Variants in DNM3 observed in about 807,000 individuals in gnomAD.
DNM3 encodes the protein dynamin 3.
DNM3 carries 47 observed loss-of-function variants against 101.6 expected under a neutral mutation model. The observed-to-expected ratio is 0.46, with a 90% CI of 0.37 to 0.59. The LOEUF (loss-of-function observed/expected upper bound fraction) is 0.59. Ranked by LOEUF, DNM3 falls within the 20% of genes least tolerant of loss-of-function variation. The pLI, the probability that DNM3 is intolerant of heterozygous loss-of-function variation, is 0.00. For missense variants in DNM3, 849 were observed against 1,085.7 expected, an observed-to-expected ratio of 0.78 and a Z score of 3.06; for synonymous variants, 385 against 387.9, an observed-to-expected ratio of 0.99 and a Z score of 0.09.
intron 2 of DNM3, among the ~76,000 whole-genome samples, chr1:171,963,947 G>C (rs1039605945): frequency 6.6e-6 from 1 of 151,974 alleles, no homozygotes; most frequent in Non-Finnish European, 1.5e-5. Flanking sequence ...GGAATGGGTG[G>C]TCAGAGGTGT....
intron 15 of DNM3, among the ~76,000 whole-genome samples, chr1:172,255,871 A>T (rs2062376172): frequency 6.6e-6 from 1 of 152,160 alleles, no homozygotes; most frequent in African/African-American, 2.4e-5. Flanking sequence ...TAGATGTCTG[A>T]TATCAGGTGA....
chr1:172,109,889 T>C (rs891874901), intron 13 of DNM3, among the ~76,000 whole-genome samples: 3 of 152,206 alleles, frequency 2.0e-5, no homozygotes, highest in African/African-American at 7.2e-5. Context: ...ATATGGGTAA[T>C]TAAAATCCAC....
intron 11 of DNM3, among the ~76,000 whole-genome samples, chr1:172,080,348 T>C (rs1406262682): frequency 6.6e-6 from 1 of 152,166 alleles, no homozygotes; most frequent in African/African-American, 2.4e-5. Context: ...AGGGAGGCAG[T>C]CTGACTACAG....
chr1:171,957,910 A>C (rs556377956), intron 2 of DNM3, among the ~76,000 whole-genome samples: 2 of 152,286 alleles, frequency 1.3e-5, no homozygotes, highest in East Asian at 3.9e-4. Context: ...CCTGTTACCC[A>C]GTTCCAAAGT....
At chr1:172,145,368 C>T (rs888608378) in intron 14 of DNM3, among the ~76,000 whole-genome samples, 15 of 150,650 alleles carry the variant, frequency 1.0e-4, no homozygotes, top group African/African-American at 3.4e-4. Flanking sequence ...CTCTCCCTCC[C>T]TCTCTCTCCC....
chr1:172,171,142 A>G (rs1347991242), intron 14 of DNM3, among the ~76,000 whole-genome samples: 1 of 151,718 alleles, frequency 6.6e-6, no homozygotes, highest in Middle Eastern at 3.2e-3. Context: ...TAATAAGTCC[A>G]AAGGAAGATG....
At position 172,257,551 on chromosome 1, in the gene DNM3, C is replaced by T. The variant is rs573086136; in HGVS notation, c.1769+3869C>T. On this transcript the variant is annotated intron_variant, in intron 15 of 20. Coordinates refer to ENST00000627582, the MANE Select transcript of DNM3 (RefSeq NM_015569.5). ...TTTATTTTGTCTTATGTTAGTATAGCTACACTAACTTTTTGGTTAATATTT... is the reference window on the plus strand; with the variant it reads ...TTTATTTTGTCTTATGTTAGTATAGTTACACTAACTTTTTGGTTAATATTT... Among the ~76,000 whole-genome samples, 309 of 152,052 alleles carry T rather than the reference C, an allele frequency of 2.0e-3. 1 individual carries two copies. The highest frequency in any genetic ancestry group is 7.2e-3 in the African/African-American group (297 of 41,486).
intron 1 of DNM3, among the ~76,000 whole-genome samples, chr1:171,876,785 A>G (rs2035827936): frequency 6.6e-6 from 1 of 152,160 alleles, no homozygotes; most frequent in East Asian, 1.9e-4. Context: ...TGTTATTCGA[A>G]TTTTTTAGTG....
At chr1:171,967,445 G>A (rs2043667324) in intron 2 of DNM3, among the ~76,000 whole-genome samples, 1 of 151,978 alleles carries the variant, frequency 6.6e-6, no homozygotes. Flanking sequence ...CTTAGAAATA[G>A]GCCTCAGAAC....
chr1:172,337,885 T>TA (rs1266769139), intron 17 of DNM3, among the ~76,000 whole-genome samples: 37 of 136,600 alleles, frequency 2.7e-4, no homozygotes, highest in African/African-American at 9.9e-4. Flanking sequence ...TATTTTATTT[T>TA]ATTTTATTTT....
chr1:172,375,015 A>T (rs1005586684), intron 17 of DNM3, among the ~76,000 whole-genome samples: 4 of 152,100 alleles, frequency 2.6e-5, no homozygotes, highest in African/African-American at 9.7e-5. Flanking sequence ...CTTTACAGTT[A>T]CAAGTTTTTA....
chr1:171,949,654 C>A lies in DNM3; in HGVS notation c.235+27833C>A, dbSNP rs1257713872. ...TGGTCTTGAACTCCTGGGCTCAAGCCGTTCTCCTGTCTTGGTTTCCCAAAG... is the reference window on the plus strand; with the variant it reads ...TGGTCTTGAACTCCTGGGCTCAAGCAGTTCTCCTGTCTTGGTTTCCCAAAG... On this transcript the variant is annotated intron_variant, in intron 2 of 20. Coordinates refer to ENST00000627582, the MANE Select transcript of DNM3 (RefSeq NM_015569.5). Among the ~76,000 whole-genome samples the A allele has an allele frequency of 2.0e-5, 3 of 151,936 alleles. No homozygotes were observed. The South Asian group carries it at 6.2e-4, about 32-fold the overall frequency.
At chr1:172,181,571 G>A (rs2059348257) in intron 14 of DNM3, among the ~76,000 whole-genome samples, 1 of 152,004 alleles carries the variant, frequency 6.6e-6, no homozygotes, top group Non-Finnish European at 1.5e-5. Context: ...ATATGTGAAC[G>A]TATTTCTCTA....
chr1:171,951,228 T>A lies in DNM3; in HGVS notation c.235+29407T>A, dbSNP rs73033779. Reference sequence around the variant, plus strand: ...TGGTGACTGACATTCCCTCCTGTTCTTTTACCTAAGACATGATGATTACTT... The same window carrying A: ...TGGTGACTGACATTCCCTCCTGTTCATTTACCTAAGACATGATGATTACTT... On this transcript the variant is annotated intron_variant, in intron 2 of 20. Transcript: ENST00000627582. Among the ~76,000 whole-genome samples, 1,219 of 152,298 alleles carry A rather than the reference T, an allele frequency of 8.0e-3. 24 individuals are homozygous for A. Among genetic ancestry groups the A allele is most frequent in the African/African-American group, 0.028 (1,151 of 41,574 alleles).
intron 1 of DNM3, among the ~76,000 whole-genome samples, chr1:171,899,403 GAATTA>G (rs2038103808): frequency 6.6e-6 from 1 of 152,190 alleles, no homozygotes. Flanking sequence ...GACTAAAAAT[GAATTA>G]AATTATCCTT....
At chr1:172,073,638 C>G (rs1475677004) in intron 11 of DNM3, among the ~76,000 whole-genome samples, 1 of 152,162 alleles carries the variant, frequency 6.6e-6, no homozygotes, top group Non-Finnish European at 1.5e-5. Flanking sequence ...CATGAGGACT[C>G]TGATGCGTTC....
At chr1:172,126,907 C>G (rs998289460) in intron 13 of DNM3, among the ~76,000 whole-genome samples, 2 of 152,106 alleles carry the variant, frequency 1.3e-5, no homozygotes, top group African/African-American at 2.4e-5. Context: ...TTCAGAAACT[C>G]AGAACCCTGG....
intron 2 of DNM3, among the ~76,000 whole-genome samples, chr1:171,929,476 G>T (rs1232336891): frequency 6.6e-6 from 1 of 151,750 alleles, no homozygotes; most frequent in East Asian, 2.0e-4. Context: ...CCCAAACAGA[G>T]CATTGGTGAG....
intron 4 of DNM3, among the ~76,000 whole-genome samples, chr1:171,999,934 C>T (rs545952713): frequency 6.6e-6 from 1 of 152,164 alleles, no homozygotes; most frequent in South Asian, 2.1e-4. Flanking sequence ...CAGCATGACA[C>T]TACCGACAGC....
Sources: allele counts gnomAD v4.1 joint callset (sites outside exome capture counted in the v4.1 genomes callset), GRCh38; gene constraint gnomAD v4.1.1; transcripts MANE v1.5; gene names NCBI Gene and HGNC (gene_info 2026-07-23, HGNC 2026-07-21).